STARD3NL: variants seen among roughly 807,000 people sequenced by gnomAD.
STARD3NL encodes the protein STARD3 N-terminal-like protein.
A neutral mutation model predicts 30.9 loss-of-function variants in STARD3NL; 17 were observed. That is an observed-to-expected ratio of 0.55 (90% CI 0.38 to 0.82). STARD3NL has a LOEUF of 0.82. Among genes scored for constraint, STARD3NL ranks in the 40% least tolerant of loss-of-function variants. STARD3NL has a pLI of 0.00. For missense variants in STARD3NL, 234 were observed against 277.6 expected (o/e 0.84, Z 1.12); for synonymous variants, 112 against 100.5 (o/e 1.11, Z -0.69).
At chr7:38,222,076 C>T (rs576348760) in intron 7 of STARD3NL, among the ~76,000 whole-genome samples, 4 of 151,736 alleles carry the variant, frequency 2.6e-5, no homozygotes, top group East Asian at 3.9e-4. Flanking sequence ...GTTTCTACTG[C>T]GGGTTGTAAA....
chr7:38,195,762 C>T (rs776224282), intron 1 of STARD3NL, among the ~76,000 whole-genome samples: 1 of 152,122 alleles, frequency 6.6e-6, no homozygotes, highest in Admixed American at 6.5e-5. Flanking sequence ...ACAGAATGTG[C>T]GAGTATTTTG....
At chr7:38,191,767 A>G (rs1012922932) in intron 1 of STARD3NL, among the ~76,000 whole-genome samples, 3 of 152,092 alleles carry the variant, frequency 2.0e-5, no homozygotes, top group East Asian at 1.9e-4. Context: ...TGCTAGTACC[A>G]TACTGTTTTG....
intron 4 of STARD3NL, 73 bp downstream of exon 4, chr7:38,215,178 G>C: frequency 7.0e-7 from 1 of 1,419,636 alleles, no homozygotes; most frequent in Non-Finnish European, 9.9e-7. Context: ...ACAGGCCTGG[G>C]CTGGGAGAAG....
chr7:38,217,339 G>A, intron 6 of STARD3NL, 34 bp downstream of exon 6: 1 of 1,596,388 alleles, frequency 6.3e-7, no homozygotes, highest in Non-Finnish European at 8.6e-7. Context: ...TCCTGAGGCG[G>A]ACTGGATACC....
At chr7:38,216,021 A>G (rs746132149) in intron 4 of STARD3NL, 1 of 152,230 alleles carries the variant, frequency 6.6e-6, no homozygotes, top group Non-Finnish European at 1.5e-5. Context: ...TCTTGGCCAG[A>G]CTTGACTCCC....
rs1268769693 is a variant in STARD3NL, at chr7:38,228,810, G to A, written c.661G>A (p.Ala221Thr). The A allele has an allele frequency of 6.2e-7, 1 of 1,612,560 alleles. No individual in the cohort carries two copies. The highest frequency in any genetic ancestry group is 1.7e-5 in the Admixed American group (1 of 59,996). Residue 221 changes from alanine (A) to threonine (T), a missense_variant, in exon 8 of 9, where the codon GCT becomes ACT. Ala to Thr is a moderately conservative substitution (Grantham distance 58). Transcript: ENST00000009041. ...PPESEAGSEE[A>T]EEKQDSEKPL... ...TCTCCACCACGTAGGATCTGAAGAA[G>A]CTGAAGAAAAACAGGACAGTGAGAA...
chr7:38,192,883 C>CT (rs5883639), intron 1 of STARD3NL, among the ~76,000 whole-genome samples: 26 of 50,556 alleles, frequency 5.1e-4, no homozygotes, highest in Non-Finnish European at 1.0e-3. Flanking sequence ...CCTGTTTGTT[C>CT]TCCTTGTCTC....
chr7:38,206,784 C>T (rs771420592), intron 1 of STARD3NL, among the ~76,000 whole-genome samples: 35 of 152,140 alleles, frequency 2.3e-4, no homozygotes, highest in Non-Finnish European at 1.9e-4. Context: ...TTTTGTTTTT[C>T]GTTTGAGGCA....
At chr7:38,206,164 A>G (rs934419036) in intron 1 of STARD3NL, among the ~76,000 whole-genome samples, 1 of 152,226 alleles carries the variant, frequency 6.6e-6, no homozygotes, top group Non-Finnish European at 1.5e-5. Context: ...GCTTTAGGGA[A>G]ATCTCAGCTG....
chr7:38,210,002 C>G (rs1562615437), intron 2 of STARD3NL, among the ~76,000 whole-genome samples: 1 of 152,164 alleles, frequency 6.6e-6, no homozygotes, highest in South Asian at 2.1e-4. Context: ...AACATCAGGA[C>G]TTTTTTTAGT....
chr7:38,184,165 A>G (rs1348064030), intron 1 of STARD3NL, among the ~76,000 whole-genome samples: 1 of 152,206 alleles, frequency 6.6e-6, no homozygotes, highest in Non-Finnish European at 1.5e-5. Context: ...GGTCAGAGAA[A>G]GTTTCATCCA....
chr7:38,207,397 T>C (rs944531756), intron 1 of STARD3NL, 50 bp from the exon 2 acceptor site: 23 of 854,122 alleles, frequency 2.7e-5, no homozygotes, highest in Middle Eastern at 3.4e-4. Context: ...TGCACAGTTA[T>C]ATTTGATCAG....
chr7:38,209,687 G>A (rs1332391602), intron 2 of STARD3NL, among the ~76,000 whole-genome samples: 1 of 152,188 alleles, frequency 6.6e-6, no homozygotes, highest in Non-Finnish European at 1.5e-5. Flanking sequence ...TGCTTTGGCT[G>A]CTTATATCAC....
chr7:38,185,194 G>A (rs1032360867), intron 1 of STARD3NL, among the ~76,000 whole-genome samples: 1 of 152,114 alleles, frequency 6.6e-6, no homozygotes, highest in African/African-American at 2.4e-5. Flanking sequence ...TTGAGGGTCT[G>A]ATTTTCTTTA....
At chr7:38,217,003 T>A in intron 4 of STARD3NL, 22 bp from the exon 5 acceptor site, 1 of 1,613,868 alleles carries the variant, frequency 6.2e-7, no homozygotes, top group Non-Finnish European at 8.5e-7. Flanking sequence ...GTGTGAACAG[T>A]GCTGGATTAT....
intron 1 of STARD3NL, among the ~76,000 whole-genome samples, chr7:38,193,282 T>G (rs1039976155): frequency 1.3e-4 from 20 of 150,520 alleles, no homozygotes; most frequent in South Asian, 2.1e-4. Flanking sequence ...GGATTAGTTT[T>G]TTGTTGTTGT....
chr7:38,199,648 G>A (rs1246983588), intron 1 of STARD3NL, among the ~76,000 whole-genome samples: 1 of 152,186 alleles, frequency 6.6e-6, no homozygotes, highest in Non-Finnish European at 1.5e-5. Context: ...GGAGCATTCA[G>A]AAAAGTCTCT....
At chr7:38,182,181 G>A (rs1784278307) in intron 1 of STARD3NL, among the ~76,000 whole-genome samples, 1 of 152,082 alleles carries the variant, frequency 6.6e-6, no homozygotes, top group African/African-American at 2.4e-5. Context: ...GTAGAGCCCT[G>A]TTATTTTATT....
In STARD3NL at chr7:38,228,780, C is replaced by G. The variant is rs1786931152; in HGVS notation, c.650-19C>G. On this transcript the variant is annotated intron_variant, in intron 7 of 8. Transcript: ENST00000009041. ...ATGGAATGAAATACTTTTTCTTTGT[C>G]CCCTTCTCCACCACGTAGGATCTGA... is the stretch of plus-strand genomic sequence containing the variant. 2 of 1,603,384 alleles carry G rather than the reference C, an allele frequency of 1.2e-6. No homozygotes were observed. Among genetic ancestry groups the G allele is most frequent in the Non-Finnish European group, 8.5e-7 (1 of 1,174,124 alleles).
Sources: gnomAD v4.1 joint callset for allele counts (sites outside exome capture counted in the v4.1 genomes callset) on GRCh38, gnomAD v4.1.1 for gene constraint, MANE v1.5 for transcripts, NCBI Gene and HGNC (gene_info 2026-07-23, HGNC 2026-07-21) for gene names.